The following NSMAF variants were observed in gnomAD, a reference collection of about 807,000 sequenced individuals.
NSMAF encodes neutral sphingomyelinase activation associated factor.
A neutral mutation model predicts 134.9 loss-of-function variants in NSMAF; 90 were observed. That is an observed-to-expected ratio of 0.67 (90% CI 0.56 to 0.79). NSMAF has a LOEUF of 0.79. NSMAF is among the 30% of genes least tolerant of loss of function. The pLI is 0.00. For missense variants in NSMAF, 1,010 were observed against 1,119.0 expected (o/e 0.90, Z 1.39); for synonymous variants, 358 against 389.6 (o/e 0.92, Z 0.96).
chr8:58,616,616 C>A (rs987771623), intron 9 of NSMAF, among the ~76,000 whole-genome samples: 3 of 152,072 alleles, frequency 2.0e-5, no homozygotes, highest in Non-Finnish European at 4.4e-5. Flanking sequence ...TGTTAAAGGG[C>A]AGCTATGAAA....
intron 1 of NSMAF, among the ~76,000 whole-genome samples, chr8:58,653,196 T>G (rs1045027990): frequency 6.6e-6 from 1 of 152,084 alleles, no homozygotes; most frequent in Non-Finnish European, 1.5e-5. Flanking sequence ...GGATAAGCAT[T>G]AGAAAAACAA....
chr8:58,658,861 G>A (rs552272545), intron 1 of NSMAF, among the ~76,000 whole-genome samples: 1 of 152,296 alleles, frequency 6.6e-6, no homozygotes, highest in Admixed American at 6.5e-5. Context: ...CTGGGATGCT[G>A]GTGAGAATGA....
chr8:58,597,727 A>C, intron 20 of NSMAF, 133 bp downstream of exon 20: 1 of 899,138 alleles, frequency 1.1e-6, no homozygotes, highest in Non-Finnish European at 1.8e-6. Flanking sequence ...GATGCTCAGT[A>C]ACACAACAGT....
intron 9 of NSMAF, among the ~76,000 whole-genome samples, chr8:58,618,610 AACAC>A (rs199844081): frequency 1.3e-5 from 2 of 150,982 alleles, no homozygotes; most frequent in South Asian, 4.2e-4. Flanking sequence ...ACATACAAAT[AACAC>A]ACACACACAC....
At chr8:58,635,413 G>T (rs771914561) in intron 3 of NSMAF, 41 bp from the exon 4 acceptor site, 2 of 1,573,128 alleles carry the variant, frequency 1.3e-6, no homozygotes, top group South Asian at 1.2e-5. Context: ...ATCAAGAAAG[G>T]TAAGACATAC....
intron 2 of NSMAF, among the ~76,000 whole-genome samples, chr8:58,641,173 G>A (rs1414327975): frequency 1.3e-5 from 2 of 152,050 alleles, no homozygotes; most frequent in African/African-American, 4.8e-5. Flanking sequence ...CACCAGCCTC[G>A]GCCTCCCAAA....
intron 11 of NSMAF, 150 bp downstream of exon 11, chr8:58,607,619 A>G: frequency 3.1e-6 from 2 of 653,926 alleles, no homozygotes; most frequent in Non-Finnish European, 5.5e-6. Context: ...TACCTTCTCC[A>G]AAAGAAAGAA....
intron 1 of NSMAF, among the ~76,000 whole-genome samples, chr8:58,650,853 T>C (rs1218429435): frequency 6.6e-6 from 1 of 152,250 alleles, no homozygotes; most frequent in Admixed American, 6.5e-5. Context: ...GTACTTAGAT[T>C]TCACTAAGCA....
intron 13 of NSMAF, 90 bp downstream of exon 13, chr8:58,603,120 T>G: frequency 1.6e-6 from 2 of 1,284,638 alleles, no homozygotes; most frequent in Non-Finnish European, 2.2e-6. Flanking sequence ...CACATCACAA[T>G]TATAAAATAG....
chr8:58,625,998 C>T (rs1244892346), intron 6 of NSMAF, among the ~76,000 whole-genome samples: 1 of 151,702 alleles, frequency 6.6e-6, no homozygotes. Flanking sequence ...TTACCTGTCA[C>T]CTAAGCAGTG....
chr8:58,594,645 C>T (rs1020874849), intron 22 of NSMAF: 2 of 260,420 alleles, frequency 7.7e-6, no homozygotes, highest in Non-Finnish European at 1.5e-5. Context: ...ACTTCACTTG[C>T]TGATTACTGA....
chr8:58,640,109 A>T (rs1317996264), intron 2 of NSMAF: 2 of 455,364 alleles, frequency 4.4e-6, no homozygotes, highest in Admixed American at 4.7e-5. Context: ...AGTTCTGCAG[A>T]TTTAATGTAG....
rs143700391 is a variant in NSMAF at position 58,606,391 on chromosome 8, T to C, written c.760-356A>G. 2.2e-3 allele frequency among the ~76,000 whole-genome samples: 329 copies of C among 152,262 alleles called. 1 individual carries two copies. Among genetic ancestry groups the C allele is most frequent in the Middle Eastern group, 3.4e-3 (1 of 294 alleles). On this transcript the variant is annotated intron_variant, in intron 11 of 30. Transcript: ENST00000038176. Reference sequence around the variant, plus strand: ...TTCACATCTCTTCTTCAAACATAAATGTCTAGCTTTCTTTCATAAGTTAAA... The same window carrying C: ...TTCACATCTCTTCTTCAAACATAAACGTCTAGCTTTCTTTCATAAGTTAAA...
Position 58,597,415 on chromosome 8 carries a change from A to G in NSMAF, c.1764T>C (p.Ser588=). 1 of 1,614,184 alleles carries G rather than the reference A, an allele frequency of 6.2e-7. No homozygotes were observed. Among genetic ancestry groups the G allele is most frequent in the Non-Finnish European group, 8.5e-7 (1 of 1,180,014 alleles). Residue 588 remains serine, a synonymous_variant, in exon 21 of 31, where the codon AGT becomes AGC. Coordinates refer to ENST00000038176, the MANE Select transcript of NSMAF (RefSeq NM_003580.4). ...GGGAATCTGCCATAGAAGCATTATAACTGGAGGTCTGGGACAAACTTTTAA... is the reference window on the plus strand; with the variant it reads ...GGGAATCTGCCATAGAAGCATTATAGCTGGAGGTCTGGGACAAACTTTTAA... ...PKFKSLSQTS[S]YNASMADSPG...
chr8:58,587,717 T>C lies in NSMAF; in HGVS notation c.2212-16A>G, dbSNP rs761284460. 1.9e-6 allele frequency: 3 copies of C among 1,605,426 alleles called. No individual in the cohort carries two copies. Among genetic ancestry groups the C allele is most frequent in the Non-Finnish European group, 2.6e-6 (3 of 1,174,588 alleles). On this transcript the variant is annotated splice_polypyrimidine_tract_variant and intron_variant, in intron 26 of 30. Transcript: ENST00000038176. ...CAGACCACACCTAGGATGGAACATATTGCAGAAGGTATTTTCAAACATTTA... is the reference window on the plus strand; with the variant it reads ...CAGACCACACCTAGGATGGAACATACTGCAGAAGGTATTTTCAAACATTTA...
intron 2 of NSMAF, among the ~76,000 whole-genome samples, chr8:58,642,253 CAGT>C: frequency 6.6e-6 from 1 of 152,184 alleles, no homozygotes; most frequent in East Asian, 1.9e-4. Flanking sequence ...TTATGGCTTA[CAGT>C]TGTTAAGTAA....
intron 24 of NSMAF, 76 bp from the exon 25 acceptor site, chr8:58,590,150 A>G (rs1805989912): frequency 7.7e-7 from 1 of 1,291,364 alleles, no homozygotes; most frequent in African/African-American, 1.5e-5. Flanking sequence ...TATCTTATAC[A>G]TTTCCGAAAA....
At chr8:58,602,251 A>T in intron 13 of NSMAF, 114 bp from the exon 14 acceptor site, 1 of 686,186 alleles carries the variant, frequency 1.5e-6, no homozygotes, top group Non-Finnish European at 2.4e-6. Context: ...AATTGAGAGC[A>T]ATCCATGAGA....
At chr8:58,616,796 C>T (rs1381010532) in intron 9 of NSMAF, among the ~76,000 whole-genome samples, 1 of 152,026 alleles carries the variant, frequency 6.6e-6, no homozygotes, top group Non-Finnish European at 1.5e-5. Context: ...TGTCATTATT[C>T]ACAGATTAAA....
Sources: gnomAD v4.1 joint callset for allele counts (sites outside exome capture counted in the v4.1 genomes callset) on GRCh38, gnomAD v4.1.1 for gene constraint, MANE v1.5 for transcripts, NCBI Gene and HGNC (gene_info 2026-07-23, HGNC 2026-07-21) for gene names.